The following PODXL variants were observed in gnomAD, a reference collection of about 807,000 sequenced individuals.
PODXL encodes podocalyxin like.
PODXL carries 20 observed loss-of-function variants against 48.9 expected under a neutral mutation model. The ratio of observed to expected loss-of-function variants is 0.41; its 90% CI spans 0.29 to 0.59. The LOEUF is 0.59. Ranked by LOEUF, PODXL falls within the 20% of genes least tolerant of loss-of-function variation. The pLI is 0.31. For missense variants in PODXL, 606 were observed against 675.1 expected (o/e 0.90, Z 1.13); for synonymous variants, 295 against 287.4 (o/e 1.03, Z -0.27).
chr7:131,531,498 C>G (rs1463172845), intron 1 of PODXL, among the ~76,000 whole-genome samples: 1 of 152,188 alleles, frequency 6.6e-6, no homozygotes, highest in Admixed American at 6.5e-5. Context: ...CTTGGCCCAT[C>G]TCTGCGCCTC....
At chr7:131,547,701 T>C (rs1269826618) in intron 1 of PODXL, among the ~76,000 whole-genome samples, 3 of 152,194 alleles carry the variant, frequency 2.0e-5, no homozygotes, top group Non-Finnish European at 2.9e-5. Flanking sequence ...AAAGTAGGCC[T>C]TCGTGAAGAG....
rs1268612446 is a variant in PODXL at position 131,511,053 on chromosome 7, T to C, written c.481A>G (p.Lys161Glu). ...GAEDTTNSGG[K>E]SSHSVTTDLT... Reference sequence around the variant, plus strand: ...TCTGTGGTCACACTGTGGCTGCTTTTCCCCCCAGAGTTTGTTGTATCTTCT... The same window carrying C: ...TCTGTGGTCACACTGTGGCTGCTTTCCCCCCCAGAGTTTGTTGTATCTTCT... The change falls in exon 2 of 9, where the codon AAA becomes GAA. Residue 161 changes from lysine (K) to glutamate (E), a missense_variant. Lys to Glu is a moderately conservative substitution (Grantham distance 56). Transcript: ENST00000378555. The C allele has an allele frequency of 5.0e-6, 8 of 1,614,036 alleles. No homozygotes were observed. The highest frequency in any genetic ancestry group is 5.9e-6 in the Non-Finnish European group (7 of 1,179,980).
In PODXL at chr7:131,511,095, T is replaced by C. The variant is rs527783786; in HGVS notation, c.439A>G (p.Ser147Gly). ...GTATCTTCTGCTCCATTCTGGCTGC[T>C]TGTGGTGTTAGGTTTAGCTGTGGCT... ...STATAKPNTT[S>G]SQNGAEDTTN... The change falls in exon 2 of 9, where the codon AGC (serine) becomes GGC (glycine). Residue 147 changes from serine (S) to glycine (G), a missense_variant. Ser to Gly is a moderately conservative substitution (Grantham distance 56, BLOSUM62 0). Coordinates refer to ENST00000378555, the MANE Select transcript of PODXL (RefSeq NM_001018111.3). 4 of 1,613,994 alleles carry C rather than the reference T, an allele frequency of 2.5e-6. No homozygotes were observed. The highest frequency in any genetic ancestry group is 2.7e-5 in the African/African-American group (2 of 74,890).
chr7:131,508,980 C>A lies in PODXL; in HGVS notation c.1072G>T (p.Val358Phe). 6.2e-7 allele frequency: 1 copy of A among 1,613,854 alleles called. No individual in the cohort carries two copies. Among genetic ancestry groups the A allele is most frequent in the South Asian group, 1.1e-5 (1 of 91,082 alleles). ...ETQTQSEKQLVLNLTGNTLCA... is the reference protein window; with the variant it reads ...ETQTQSEKQLFLNLTGNTLCA... ...AGGGTGTTTCCTGTGAGGTTCAGGA[C>A]GAGCTGCTTCTCACTCTGTGTCTGT... is the stretch of plus-strand genomic sequence containing the variant. Residue 358 changes from valine to phenylalanine, a missense_variant, in exon 5 of 9, where the codon GTC (valine) becomes TTC (phenylalanine). Physicochemically the swap from Val to Phe is conservative, Grantham distance 50. Coordinates refer to ENST00000378555, the MANE Select transcript of PODXL (RefSeq NM_001018111.3).
chr7:131,521,208 C>G (rs569822175), intron 1 of PODXL, among the ~76,000 whole-genome samples: 2 of 152,076 alleles, frequency 1.3e-5, no homozygotes, highest in African/African-American at 4.8e-5. Context: ...TTTCTTGAGC[C>G]CTGAGGTCAT....
intron 1 of PODXL, among the ~76,000 whole-genome samples, chr7:131,537,282 A>G (rs1191811271): frequency 6.7e-6 from 1 of 149,026 alleles, no homozygotes; most frequent in Non-Finnish European, 1.5e-5. Flanking sequence ...ACTGCACTCC[A>G]GCCTGGGTGA....
chr7:131,527,167 T>C (rs111558363), intron 1 of PODXL, among the ~76,000 whole-genome samples: 3,163 of 152,134 alleles, frequency 0.021, 38 homozygotes, highest in Non-Finnish European at 0.035. Flanking sequence ...AACGCAATGT[T>C]GATAGTAGTA....
rs10270168 is a variant in PODXL, at chr7:131,514,346, G to A, written c.101-2913C>T. On this transcript the variant is annotated intron_variant, in intron 1 of 8. Coordinates refer to ENST00000378555, the MANE Select transcript of PODXL (RefSeq NM_001018111.3). ...GGAGAATAGCTTGAACCTGGGAGGC[G>A]GAGGTGTAGTGAGCCAAGATTGTGC... Among the ~76,000 whole-genome samples the A allele has an allele frequency of 3.4e-3, 517 of 152,228 alleles. 2 individuals are homozygous for A. The highest frequency in any genetic ancestry group is 0.012 in the African/African-American group (483 of 41,526).
At chr7:131,532,089 C>T (rs1374162082) in intron 1 of PODXL, among the ~76,000 whole-genome samples, 7 of 140,426 alleles carry the variant, frequency 5.0e-5, no homozygotes, top group South Asian at 2.3e-4. Flanking sequence ...GCAACAAGAG[C>T]GAAACTCCAT....
chr7:131,548,691 T>C (rs189729859), intron 1 of PODXL, among the ~76,000 whole-genome samples: 5 of 152,358 alleles, frequency 3.3e-5, no homozygotes, highest in Admixed American at 6.5e-5. Flanking sequence ...TTTGTTGCTA[T>C]GAGCAGCCAA....
At chr7:131,536,659 C>A (rs1403089433) in intron 1 of PODXL, among the ~76,000 whole-genome samples, 1 of 152,164 alleles carries the variant, frequency 6.6e-6, no homozygotes, top group Non-Finnish European at 1.5e-5. Context: ...CAGCGCCCCT[C>A]CCCCTGGGAG....
chr7:131,506,085 GC>G, intron 7 of PODXL, 50 bp from the exon 8 acceptor site: 1 of 1,584,866 alleles, frequency 6.3e-7, no homozygotes, highest in Non-Finnish European at 8.6e-7. Flanking sequence ...CTCTCCCTCA[GC>G]CCCCGGCTTC....
chr7:131,506,646 C>G lies in PODXL; in HGVS notation c.1182G>C (p.Lys394Asn). 1.9e-6 allele frequency: 3 copies of G among 1,614,194 alleles called. No individual in the cohort carries two copies. Among genetic ancestry groups the G allele is most frequent in the Non-Finnish European group, 2.5e-6 (3 of 1,180,024 alleles). ...VKATFNPAQD[K>N]CGIRLASVPG... ...GAACAGATGCCAGCCGTATGCCGCA[C>G]TTATCTTGGGCCGGGTTGAAGGTGG... Residue 394 changes from lysine to asparagine, a missense_variant, in exon 6 of 9, where the codon AAG (lysine) becomes AAC (asparagine). Lys to Asn is a moderately conservative substitution (Grantham distance 94, BLOSUM62 0). Coordinates refer to ENST00000378555, the MANE Select transcript of PODXL (RefSeq NM_001018111.3).
rs747567882 is a variant in PODXL at position 131,510,907 on chromosome 7, A to G, written c.627T>C (p.Leu209=). Residue 209 remains leucine, a synonymous_variant, in exon 2 of 9, where the codon CTT becomes CTC. Coordinates refer to ENST00000378555, the MANE Select transcript of PODXL (RefSeq NM_001018111.3). ...TGCTTGAACTGCTTGAAATTTTCATAAGATGGTCATGTCCCGAGCTTGTTG... is the reference window on the plus strand; with the variant it reads ...TGCTTGAACTGCTTGAAATTTTCATGAGATGGTCATGTCCCGAGCTTGTTG... ...ATPTSSGHDH[L]MKISSSSSTV... 3 of 1,614,102 alleles carry G rather than the reference A, an allele frequency of 1.9e-6. No individual in the cohort carries two copies. The highest frequency in any genetic ancestry group is 1.7e-5 in the Admixed American group (1 of 60,022).
intron 1 of PODXL, among the ~76,000 whole-genome samples, chr7:131,547,232 G>A (rs534436645): frequency 6.6e-6 from 1 of 152,102 alleles, no homozygotes; most frequent in African/African-American, 2.4e-5. Context: ...ACTTAGGTGG[G>A]CGTGGTGGTG....
chr7:131,524,379 C>CAGAGAGAGAGAGAGATAGAGAGAG (rs1798143805), intron 1 of PODXL, among the ~76,000 whole-genome samples: 1 of 104,052 alleles, frequency 9.6e-6, no homozygotes, highest in Admixed American at 1.2e-4. Flanking sequence ...CACACACACA[C>CAGAGAGAGAGAGAGATAGAGAGAG]AGAGAGAGAG....
intron 8 of PODXL, among the ~76,000 whole-genome samples, chr7:131,505,528 T>C (rs1328556370): frequency 6.6e-6 from 1 of 152,084 alleles, no homozygotes; most frequent in East Asian, 1.9e-4. Flanking sequence ...GCACCTGTAA[T>C]CCCAGCTACT....
intron 1 of PODXL, among the ~76,000 whole-genome samples, chr7:131,545,219 A>T (rs1798554451): frequency 6.6e-6 from 1 of 152,192 alleles, no homozygotes; most frequent in Non-Finnish European, 1.5e-5. Flanking sequence ...ACACCACTGC[A>T]AACACTCTTG....
chr7:131,546,856 C>T (rs1798585247), intron 1 of PODXL, among the ~76,000 whole-genome samples: 1 of 152,032 alleles, frequency 6.6e-6, no homozygotes, highest in African/African-American at 2.4e-5. Context: ...ATCTCAGTGG[C>T]TTCTTAGCTA....
Sources: allele counts gnomAD v4.1 joint callset (sites outside exome capture counted in the v4.1 genomes callset), GRCh38; gene constraint gnomAD v4.1.1; transcripts MANE v1.5; gene names NCBI Gene and HGNC (gene_info 2026-07-23, HGNC 2026-07-21).